HELZ: variants seen among roughly 807,000 people sequenced by gnomAD.
The protein encoded by HELZ is ATP-dependent RNA helicase with zinc finger domain.
Under a neutral mutation model 218.2 loss-of-function variants are expected in HELZ, and 23 were observed. The ratio of observed to expected loss-of-function variants is 0.11; its 90% CI spans 0.08 to 0.15. The LOEUF (loss-of-function observed/expected upper bound fraction) is 0.15. Ranked by LOEUF, HELZ falls within the 10% of genes least tolerant of loss-of-function variation. The probability of loss-of-function intolerance (pLI) is 1.00; values close to 1 mark genes in which losing one functional copy is unlikely to be tolerated. For missense variants in HELZ, 1,813 were observed against 2,353.7 expected (o/e 0.77, Z 4.75); for synonymous variants, 814 against 829.4 (o/e 0.98, Z 0.32).
chr17:67,227,328 G>A (rs575197158), intron 3 of HELZ, among the ~76,000 whole-genome samples: 1 of 152,006 alleles, frequency 6.6e-6, no homozygotes, highest in African/African-American at 2.4e-5. Flanking sequence ...CAGTAGCTGG[G>A]ACTACAGGCA....
chr17:67,129,313 CATAT>C (rs940043302), intron 23 of HELZ, among the ~76,000 whole-genome samples: 1 of 151,808 alleles, frequency 6.6e-6, no homozygotes, highest in Non-Finnish European at 1.5e-5. Context: ...TATACATACG[CATAT>C]ATACATATAC....
intron 31 of HELZ, among the ~76,000 whole-genome samples, chr17:67,095,372 C>T (rs2036711655): frequency 6.6e-6 from 1 of 151,486 alleles, no homozygotes; most frequent in Admixed American, 6.6e-5. Context: ...AACAAACAAA[C>T]ACCAAAAACA....
In HELZ at chr17:67,123,966, T is replaced by G. The variant is rs2037703140; in HGVS notation, c.3436A>C (p.Ile1146Leu). The G allele has an allele frequency of 6.2e-7, 1 of 1,608,162 alleles. No individual in the cohort carries two copies. The highest frequency in any genetic ancestry group is 1.7e-5 in the Admixed American group (1 of 59,826). ...ATAGGGTAATTTTTCCACTTACCAA[T>G]TCCATCATTCTGGAAGTGATCATTC... Reference protein sequence around the residue: ...TQNDHFQNDGIVQPNPSVLIG... With the variant: ...TQNDHFQNDGLVQPNPSVLIG... Residue 1146 changes from isoleucine (I) to leucine (L), a missense_variant, in exon 25 of 33, where the codon ATT becomes CTT. Ile to Leu is a conservative substitution (Grantham distance 5). This residue lies in a region of HELZ where 938 missense variants were observed against 1,027.5 expected (regional missense o/e 0.91). Coordinates refer to ENST00000358691, the MANE Select transcript of HELZ (RefSeq NM_014877.4).
intron 31 of HELZ, among the ~76,000 whole-genome samples, chr17:67,093,838 A>T (rs1238185994): frequency 6.6e-6 from 1 of 152,200 alleles, no homozygotes; most frequent in Non-Finnish European, 1.5e-5. Context: ...CATTATTTTC[A>T]TACAATTTCT....
At chr17:67,226,056 T>C (rs1256910941) in intron 3 of HELZ, among the ~76,000 whole-genome samples, 1 of 151,734 alleles carries the variant, frequency 6.6e-6, no homozygotes, top group Non-Finnish European at 1.5e-5. Context: ...GGTCAAGCGA[T>C]CAAGACCATC....
chr17:67,157,019 G>A (rs552576994), intron 17 of HELZ, among the ~76,000 whole-genome samples: 153 of 152,078 alleles, frequency 1.0e-3, no homozygotes, highest in African/African-American at 3.7e-3. Context: ...AAAGTGTGTG[G>A]CACCTCCCAC....
Position 67,190,320 on chromosome 17 carries a change from T to C in HELZ, c.593A>G (p.Gln198Arg). The part of the protein sequence containing the change: ...LEQGICRYGA[Q>R]CTSAHSQEEL... ...TTCCTGGGAATGTGCTGAAGTACAC[T>C]GGGCACCATACCTACAGATTCCTTG... Residue 198 changes from glutamine to arginine, a missense_variant, in exon 10 of 33, where the codon CAG (glutamine) becomes CGG (arginine). Physicochemically the swap from Gln to Arg is conservative, Grantham distance 43 (BLOSUM62 1). Transcript: ENST00000358691. 1.9e-6 allele frequency: 3 copies of C among 1,613,830 alleles called. No individual in the cohort carries two copies. Among genetic ancestry groups the C allele is most frequent in the Non-Finnish European group, 2.5e-6 (3 of 1,179,702 alleles).
Position 67,073,430 on chromosome 17 carries a change from ATC to A in HELZ, c.*4820_*4821del, listed in dbSNP as rs1009665741. The A allele has an allele frequency of 2.6e-5, 4 of 152,632 alleles. No individual in the cohort carries two copies. The highest frequency in any genetic ancestry group is 1.9e-4 in the East Asian group (1 of 5,198). 9.5% of individuals were successfully genotyped at this position (152,632 alleles called of 1,614,324 possible). The stretch of plus-strand genomic sequence containing the variant: ...TGCTTAATATCTGTATCAAAATAAA[ATC>A]TCTCTGTTGAACAAATTGCAAATAA... On this transcript the variant is annotated 3_prime_UTR_variant, in exon 33 of 33. Coordinates refer to ENST00000358691, the MANE Select transcript of HELZ (RefSeq NM_014877.4).
Position 67,073,641 on chromosome 17 carries a change from G to C in HELZ, c.*4611C>G, listed in dbSNP as rs1321964860. The stretch of plus-strand genomic sequence containing the variant: ...CTCCAAAAAATTTTTAGAAACTCTG[G>C]TGACTGTTTCCTTAAACTTCACTCC... On this transcript the variant is annotated 3_prime_UTR_variant, in exon 33 of 33. Coordinates refer to ENST00000358691, the MANE Select transcript of HELZ (RefSeq NM_014877.4). 6.6e-6 allele frequency: 1 copy of C among 151,954 alleles called. No homozygotes were observed. The highest frequency in any genetic ancestry group is 1.5e-5 in the Non-Finnish European group (1 of 67,970). The allele number at this position is 151,954 out of a possible 1,614,324, so 9.4% of individuals were successfully genotyped here.
chr17:67,116,605 A>AG (rs1297747208), intron 27 of HELZ, among the ~76,000 whole-genome samples: 3 of 152,168 alleles, frequency 2.0e-5, no homozygotes, highest in Non-Finnish European at 4.4e-5. Context: ...GGGACAAAGA[A>AG]GGTCATTCCA....
chr17:67,214,088 T>C (rs1358698453), intron 5 of HELZ, among the ~76,000 whole-genome samples: 4 of 152,112 alleles, frequency 2.6e-5, no homozygotes, highest in African/African-American at 9.7e-5. Flanking sequence ...ATTTGACTTA[T>C]TACTGTTTGC....
At chr17:67,238,891 A>G (rs2041253951) in intron 3 of HELZ, among the ~76,000 whole-genome samples, 1 of 152,228 alleles carries the variant, frequency 6.6e-6, no homozygotes, top group South Asian at 2.1e-4. Flanking sequence ...GCAAAAAGTA[A>G]ATAATCTGAA....
intron 3 of HELZ, among the ~76,000 whole-genome samples, chr17:67,235,797 C>T (rs2041165696): frequency 1.5e-5 from 2 of 135,928 alleles, no homozygotes; most frequent in Admixed American, 1.6e-4. Flanking sequence ...CCTCTTTTGC[C>T]CAGGCTGTAC....
At chr17:67,201,513 C>T (rs1227679918) in intron 6 of HELZ, among the ~76,000 whole-genome samples, 1 of 152,004 alleles carries the variant, frequency 6.6e-6, no homozygotes, top group Non-Finnish European at 1.5e-5. Flanking sequence ...GGAAAACAAC[C>T]TATTGCTGTT....
At chr17:67,231,438 A>G (rs1361175440) in intron 3 of HELZ, among the ~76,000 whole-genome samples, 1 of 151,970 alleles carries the variant, frequency 6.6e-6, no homozygotes, top group Non-Finnish European at 1.5e-5. Flanking sequence ...CTAAAAATGG[A>G]AACAATTAGC....
intron 6 of HELZ, among the ~76,000 whole-genome samples, chr17:67,202,645 A>AT (rs2143115378): frequency 6.6e-6 from 1 of 152,366 alleles, no homozygotes; most frequent in Non-Finnish European, 1.5e-5. Flanking sequence ...AGATTTAAAC[A>AT]TTTTATGAAA....
intron 21 of HELZ, among the ~76,000 whole-genome samples, chr17:67,143,960 G>A (rs1364799953): frequency 6.6e-6 from 1 of 152,080 alleles, no homozygotes; most frequent in East Asian, 1.9e-4. Flanking sequence ...TTAACTCTAT[G>A]TAAGACTATC....
chr17:67,223,285 G>A (rs757111003), intron 3 of HELZ, among the ~76,000 whole-genome samples: 16 of 151,714 alleles, frequency 1.1e-4, no homozygotes, highest in Non-Finnish European at 2.2e-4. Context: ...AAGATACTAA[G>A]TTGGGTCTCT....
chr17:67,163,409 T>TTTTC (rs371126814), intron 15 of HELZ, among the ~76,000 whole-genome samples: 24 of 151,636 alleles, frequency 1.6e-4, no homozygotes, highest in Non-Finnish European at 2.7e-4. Flanking sequence ...AGTATCTTTT[T>TTTTC]CTTTTTTGAG....
Sources: gnomAD v4.1 joint callset for allele counts (sites outside exome capture counted in the v4.1 genomes callset) on GRCh38, gnomAD v4.1.1 for gene constraint, gnomAD v4.1.1 regional missense constraint, MANE v1.5 for transcripts, NCBI Gene and HGNC (gene_info 2026-07-23, HGNC 2026-07-21) for gene names.